ANGPT2: variants seen among roughly 807,000 people sequenced by gnomAD.
The protein encoded by ANGPT2 is angiopoietin-2.
Under a neutral mutation model 62.9 loss-of-function variants are expected in ANGPT2, and 28 were observed. That is an observed-to-expected ratio of 0.44 (90% CI 0.33 to 0.61). The LOEUF (loss-of-function observed/expected upper bound fraction) is 0.61, where lower values mean the gene tolerates loss of function less well. Ranked by LOEUF, ANGPT2 falls within the 20% of genes least tolerant of loss-of-function variation. The pLI is 0.03. For missense variants in ANGPT2, 727 were observed against 594.9 expected (o/e 1.22, Z -2.31); for synonymous variants, 284 against 207.8 (o/e 1.37, Z -3.15).
chr8:6,560,385 A>G (rs1825339487), intron 1 of ANGPT2, among the ~76,000 whole-genome samples: 1 of 152,306 alleles, frequency 6.6e-6, no homozygotes, highest in South Asian at 2.1e-4. Context: ...TTTCTTCCTC[A>G]TGAGAAAATC....
Position 6,509,095 on chromosome 8 carries a change from C to G in ANGPT2, c.1197-33G>C, listed in dbSNP as rs375795712. On this transcript the variant is annotated intron_variant, in intron 7 of 8. Transcript: ENST00000629816. ...CGTGCAAAGAAAAAAAACACATTGG[C>G]TAGGGTCATTGATTTACCGTAGTGG... is the stretch of plus-strand genomic sequence containing the variant. The G allele has an allele frequency of 3.7e-6, 6 of 1,604,102 alleles. No individual in the cohort carries two copies. The African/African-American group carries it at 5.4e-5, about 14-fold the overall frequency.
At chr8:6,553,047 C>T (rs1485070834) in intron 1 of ANGPT2, among the ~76,000 whole-genome samples, 2 of 152,138 alleles carry the variant, frequency 1.3e-5, no homozygotes, top group African/African-American at 4.8e-5. Flanking sequence ...TGGCTTCATA[C>T]ATTGGTCCAA....
intron 1 of ANGPT2, among the ~76,000 whole-genome samples, chr8:6,555,257 C>G (rs1376384905): frequency 6.6e-6 from 1 of 152,074 alleles, no homozygotes; most frequent in African/African-American, 2.4e-5. Flanking sequence ...CGTTTTCAAA[C>G]TCTAATAGTG....
At chr8:6,529,623 A>ATTTTTT (rs35322987) in intron 2 of ANGPT2, among the ~76,000 whole-genome samples, 2 of 120,974 alleles carry the variant, frequency 1.7e-5, no homozygotes, top group Non-Finnish European at 3.4e-5. Flanking sequence ...CGCCTGGCTA[A>ATTTTTT]TTTTTTTTTT....
intron 3 of ANGPT2, among the ~76,000 whole-genome samples, chr8:6,525,166 C>A (rs1241263809): frequency 6.6e-6 from 1 of 152,214 alleles, no homozygotes; most frequent in Non-Finnish European, 1.5e-5. Context: ...CATTACATAT[C>A]TCGCCCATAA....
At chr8:6,504,205 C>G (rs891039704) in intron 8 of ANGPT2, among the ~76,000 whole-genome samples, 2 of 150,276 alleles carry the variant, frequency 1.3e-5, no homozygotes, top group African/African-American at 4.9e-5. Context: ...GTAGTCCCAG[C>G]TACTCGGGAG....
intron 2 of ANGPT2, among the ~76,000 whole-genome samples, chr8:6,530,339 C>G (rs747560695): frequency 1.3e-5 from 2 of 151,994 alleles, no homozygotes; most frequent in Non-Finnish European, 2.9e-5. Context: ...GAAACCCTGT[C>G]TCTACTAAAA....
rs531391491 is a variant in ANGPT2 at position 6,501,059 on chromosome 8, G to C, written c.*2042C>G. Reference sequence around the variant, plus strand: ...CAACTTGATACAAGGCCATGATACCGTTGTTGAATTCATAAAACCTTCTTA... The same window carrying C: ...CAACTTGATACAAGGCCATGATACCCTTGTTGAATTCATAAAACCTTCTTA... On this transcript the variant is annotated 3_prime_UTR_variant, in exon 9 of 9. Transcript: ENST00000629816. 1 of 152,164 alleles carries C rather than the reference G, an allele frequency of 6.6e-6. No individual in the cohort carries two copies. Among genetic ancestry groups the C allele is most frequent in the Non-Finnish European group, 1.5e-5 (1 of 68,042 alleles). The allele number at this position is 152,164 out of a possible 1,614,324, so 9.4% of individuals were successfully genotyped here. A position where few individuals can be genotyped will look rare whatever the true frequency, so the allele number is the denominator to read the frequency against.
At chr8:6,529,495 AG>A (rs1408543095) in intron 2 of ANGPT2, among the ~76,000 whole-genome samples, 12 of 145,804 alleles carry the variant, frequency 8.2e-5, no homozygotes, top group Non-Finnish European at 1.5e-4. Context: ...TCTGTTGCCC[AG>A]GCTGCAGTGC....
intron 1 of ANGPT2, among the ~76,000 whole-genome samples, chr8:6,551,056 G>C (rs954952758): frequency 1.2e-4 from 18 of 152,200 alleles, no homozygotes; most frequent in African/African-American, 4.3e-4. Flanking sequence ...GTTTTGAGAA[G>C]GGGTAAGTGT....
chr8:6,546,184 C>T (rs1822545516), intron 1 of ANGPT2, among the ~76,000 whole-genome samples: 1 of 152,186 alleles, frequency 6.6e-6, no homozygotes, highest in South Asian at 2.1e-4. Context: ...AGCACAATTC[C>T]CAAACTGTGT....
In ANGPT2 at chr8:6,511,795, C is replaced by T. The variant is rs1026732181; in HGVS notation, c.1196+1883G>A. ...TTCTAAAGGAAATATCTGTTAAGAA[C>T]CATCTCAGTTTAAAATATTTTTATA... On this transcript the variant is annotated intron_variant, in intron 7 of 8. Transcript: ENST00000629816. 3.9e-5 allele frequency among the ~76,000 whole-genome samples: 6 copies of T among 152,208 alleles called. No individual in the cohort carries two copies. In the East Asian group the frequency reaches 1.2e-3, roughly 29 times the overall value.
intron 7 of ANGPT2, among the ~76,000 whole-genome samples, chr8:6,512,750 A>G (rs1815414666): frequency 6.6e-6 from 1 of 152,222 alleles, no homozygotes; most frequent in African/African-American, 2.4e-5. Context: ...AGAGGCAGAA[A>G]GTAAATTCCC....
At chr8:6,530,319 C>T (rs928792351) in intron 2 of ANGPT2, among the ~76,000 whole-genome samples, 5 of 151,998 alleles carry the variant, frequency 3.3e-5, no homozygotes, top group African/African-American at 1.2e-4. Flanking sequence ...ACCAGCCTGG[C>T]CAACGTGGTG....
rs1278867459 is a variant in ANGPT2, at chr8:6,527,611, C to A, written c.510G>T (p.Leu170Phe). Reference sequence around the variant, plus strand: ...TGGTCTGGTCCAAAATCTGTTTTTCCAATTTGTTTGTCGAGAGGGAGTGTT... The same window carrying A: ...TGGTCTGGTCCAAAATCTGTTTTTCAAATTTGTTTGTCGAGAGGGAGTGTT... ...LLEHSLSTNK[L>F]EKQILDQTSE... is the part of the protein sequence containing the mutation. Residue 170 changes from leucine to phenylalanine, a missense_variant, in exon 3 of 9, where the codon TTG becomes TTT. Physicochemically the swap from Leu to Phe is conservative, Grantham distance 22. Transcript: ENST00000629816. 10 of 1,613,720 alleles carry A rather than the reference C, an allele frequency of 6.2e-6. No individual in the cohort carries two copies. The highest frequency in any genetic ancestry group is 8.5e-6 in the Non-Finnish European group (10 of 1,179,854).
Position 6,545,230 on chromosome 8 carries a change from G to A in ANGPT2, c.289-12743C>T, listed in dbSNP as rs549077541. 3.3e-5 allele frequency among the ~76,000 whole-genome samples: 5 copies of A among 152,282 alleles called. No individual in the cohort carries two copies. The South Asian group carries it at 8.3e-4, about 25-fold the overall frequency. On this transcript the variant is annotated intron_variant, in intron 1 of 8. Transcript: ENST00000629816. Reference sequence around the variant, plus strand: ...GTGGCACGAGGGAGCCTTCTGGAGTGCTGAAAATGTTTCCTAGATCTTGAC... The same window carrying A: ...GTGGCACGAGGGAGCCTTCTGGAGTACTGAAAATGTTTCCTAGATCTTGAC...
At chr8:6,550,917 G>A (rs758634666) in intron 1 of ANGPT2, among the ~76,000 whole-genome samples, 1 of 152,154 alleles carries the variant, frequency 6.6e-6, no homozygotes, top group South Asian at 2.1e-4. Flanking sequence ...ACAGCCCAAG[G>A]AGCCCAAGGG....
chr8:6,508,795 T>C, intron 8 of ANGPT2, 137 bp downstream of exon 8: 1 of 1,216,750 alleles, frequency 8.2e-7, no homozygotes, highest in East Asian at 2.3e-5. Context: ...CACATTTACC[T>C]ATATCAAGCT....
At chr8:6,546,734 G>C (rs2515489) in intron 1 of ANGPT2, among the ~76,000 whole-genome samples, 151,473 of 152,336 alleles carry the variant, frequency 0.99, 75,315 homozygotes, top group Middle Eastern at 1. Flanking sequence ...TAGCCTAGAA[G>C]CTTGCACTTG....
Sources: gnomAD v4.1 joint callset for allele counts (sites outside exome capture counted in the v4.1 genomes callset) on GRCh38, gnomAD v4.1.1 for gene constraint, MANE v1.5 for transcripts, NCBI Gene and HGNC (gene_info 2026-07-23, HGNC 2026-07-21) for gene names.